D2HGDH: variants seen among roughly 807,000 people sequenced by gnomAD.
The protein encoded by D2HGDH is D-2-hydroxyglutarate dehydrogenase, also known as D-2-hydroxyglutarate dehydrogenase, mitochondrial.
A neutral mutation model predicts 46.9 loss-of-function variants in D2HGDH; 31 were observed. The ratio of observed to expected loss-of-function variants is 0.66; its 90% confidence interval spans 0.50 to 0.89. D2HGDH has a LOEUF of 0.89. D2HGDH is among the 40% of genes least tolerant of loss of function. The pLI, the probability that D2HGDH is intolerant of heterozygous loss-of-function variation, is 0.00. For missense variants in D2HGDH, 698 were observed against 720.8 expected (o/e 0.97, Z 0.36); for synonymous variants, 364 against 332.6 (o/e 1.09, Z -1.03).
intron 9 of D2HGDH, among the ~76,000 whole-genome samples, chr2:241,764,879 C>G (rs1699143532): frequency 6.6e-6 from 1 of 152,192 alleles, no homozygotes; most frequent in Non-Finnish European, 1.5e-5. Context: ...TCACTCTGAC[C>G]CTGGCTGTCC....
At chr2:241,753,269 G>A (rs1015317820) in intron 8 of D2HGDH, among the ~76,000 whole-genome samples, 4 of 152,238 alleles carry the variant, frequency 2.6e-5, no homozygotes, top group Non-Finnish European at 2.9e-5. Flanking sequence ...ATGCGGTTGT[G>A]TGCAGTTGCT....
At chr2:241,754,025 C>T (rs1218085676) in intron 8 of D2HGDH, among the ~76,000 whole-genome samples, 2 of 152,184 alleles carry the variant, frequency 1.3e-5, no homozygotes, top group African/African-American at 2.4e-5. Context: ...GGGAGCAGAA[C>T]GTCTGGTGCA....
Position 241,760,361 on chromosome 2 carries a change from C to G in D2HGDH, c.1306+4347C>G, listed in dbSNP as rs572131624. ...TTTGCTACAGTGTGGGTGGGCCTTA[C>G]CCAATCAGTCGAAGGCCTTTGCCAC... On this transcript the variant is annotated intron_variant, in intron 9 of 9. Coordinates refer to ENST00000321264, the MANE Select transcript of D2HGDH (RefSeq NM_152783.5). 2.6e-3 allele frequency among the ~76,000 whole-genome samples: 373 copies of G among 141,648 alleles called. 32 individuals carry two copies. The highest frequency in any genetic ancestry group is 4.7e-3 in the Non-Finnish European group (305 of 65,104). The allele number at this position is 141,648 out of a possible 152,430, so 92.9% of individuals were successfully genotyped here. A position where few individuals can be genotyped will look rare whatever the true frequency, so the allele number is the denominator to read the frequency against.
chr2:241,760,450 C>A (rs1698677708), intron 9 of D2HGDH, among the ~76,000 whole-genome samples: 1 of 145,058 alleles, frequency 6.9e-6, no homozygotes, highest in Non-Finnish European at 1.5e-5. Flanking sequence ...GGGCCTTACG[C>A]AATCAGTTGA....
intron 8 of D2HGDH, chr2:241,755,606 CA>C: frequency 6.6e-7 from 1 of 1,507,602 alleles, no homozygotes; most frequent in South Asian, 1.2e-5. Flanking sequence ...GGATTGATTC[CA>C]GGGTTGGAGC....
intron 5 of D2HGDH, 137 bp from the exon 6 acceptor site, chr2:241,744,572 C>G: frequency 9.2e-7 from 1 of 1,082,454 alleles, no homozygotes. Context: ...GGGTGTCACT[C>G]GTACAGGAGG....
chr2:241,735,247 C>T lies in D2HGDH; in HGVS notation c.23C>T (p.Ala8Val), dbSNP rs916600237. Residue 8 changes from alanine to valine, a missense_variant, in exon 2 of 10, where the codon GCG (alanine) becomes GTG (valine). Coordinates refer to ENST00000321264, the MANE Select transcript of D2HGDH (RefSeq NM_152783.5). ...GCGATGCTGCCCCGTCGGCCTCTGG[C>T]GTGGCCCGCGTGGCTGTTGCGGGGT... MLPRRPL[A>V]WPAWLLRGAP... The T allele has an allele frequency of 1.3e-6, 2 of 1,516,094 alleles. No individual in the cohort carries two copies. Among genetic ancestry groups the T allele is most frequent in the Admixed American group, 2.1e-5 (1 of 48,640 alleles). The allele number at this position is 1,516,094 out of a possible 1,614,324, so 93.9% of individuals were successfully genotyped here.
At chr2:241,757,597 C>G (rs1698309221) in intron 9 of D2HGDH, among the ~76,000 whole-genome samples, 2 of 152,182 alleles carry the variant, frequency 1.3e-5, no homozygotes, top group Non-Finnish European at 1.5e-5. Context: ...TAACTTCAGT[C>G]TCTCTTGGCC....
At chr2:241,735,904 A>G in intron 2 of D2HGDH, 1 of 256,580 alleles carries the variant, frequency 3.9e-6, no homozygotes, top group East Asian at 1.2e-4. Context: ...CTGCGACTAC[A>G]GGCGCCCGCC....
chr2:241,755,158 C>G (rs1269599037), intron 8 of D2HGDH: 2 of 1,304,022 alleles, frequency 1.5e-6, no homozygotes, highest in South Asian at 2.5e-5. Flanking sequence ...GTCTGCTCCT[C>G]CTCAGAATCC....
intron 6 of D2HGDH, chr2:241,749,504 G>T (rs1446324687): frequency 1.1e-5 from 8 of 713,182 alleles, no homozygotes; most frequent in African/African-American, 1.9e-5. Context: ...GGCTTCCCCA[G>T]GGCAGCGGCC....
At chr2:241,749,633 C>T in intron 6 of D2HGDH, 2 of 319,246 alleles carry the variant, frequency 6.3e-6, no homozygotes, top group Non-Finnish European at 1.2e-5. Flanking sequence ...CCAAAGGCTG[C>T]CTGTTGCTGG....
chr2:241,741,301 C>T (rs1022633976), intron 3 of D2HGDH, among the ~76,000 whole-genome samples: 1 of 152,190 alleles, frequency 6.6e-6, no homozygotes, highest in African/African-American at 2.4e-5. Flanking sequence ...ATGCCCATGC[C>T]CATTTCTTGG....
intron 6 of D2HGDH, 175 bp from the exon 7 acceptor site, chr2:241,749,976 G>A (rs935281698): frequency 1.2e-5 from 10 of 839,064 alleles, no homozygotes; most frequent in South Asian, 4.7e-5. Context: ...AACACCAGGC[G>A]TGCACCTGCC....
intron 8 of D2HGDH, chr2:241,754,799 C>T (rs1697899200): frequency 3.4e-6 from 1 of 292,022 alleles, no homozygotes; most frequent in Admixed American, 4.8e-5. Flanking sequence ...GACGGGGTCT[C>T]CCTGTGTGGC....
chr2:241,758,619 T>A (rs575255653), intron 9 of D2HGDH, among the ~76,000 whole-genome samples: 22 of 151,910 alleles, frequency 1.4e-4, no homozygotes, highest in East Asian at 3.9e-4. Context: ...TAAAAAAAAA[T>A]TTTTTTGTAG....
chr2:241,749,351 C>T, intron 6 of D2HGDH: 1 of 1,287,834 alleles, frequency 7.8e-7, no homozygotes, highest in African/African-American at 1.5e-5. Context: ...GAAAATTCTT[C>T]TCTGATATCC....
In D2HGDH at chr2:241,750,301, AC is replaced by A. The variant is rs1307856808; in HGVS notation, c.997+13del. 3 of 1,424,240 alleles carry A rather than the reference AC, an allele frequency of 2.1e-6. No individual in the cohort carries two copies. Among genetic ancestry groups the A allele is most frequent in the African/African-American group, 3.1e-5 (2 of 65,512 alleles). 88.2% of individuals were successfully genotyped at this position (1,424,240 alleles called of 1,614,324 possible). A position where few individuals can be genotyped will look rare whatever the true frequency, so the allele number is the denominator to read the frequency against. On this transcript the variant is annotated splice_region_variant and intron_variant, in intron 7 of 9. Transcript: ENST00000321264. ...CTGGCCAGCCCGGTGCAAGGTACTG[AC>A]CCCCCACACAGGGGGCAGCTGGTCC...
intron 1 of D2HGDH, 58 bp from the exon 2 acceptor site, chr2:241,735,075 G>A (rs1692388229): frequency 8.1e-6 from 7 of 867,762 alleles, no homozygotes; most frequent in Non-Finnish European, 1.1e-5. Context: ...GCTTCTGCAA[G>A]CGTGTTTCAA....
Sources: gnomAD v4.1 joint callset for allele counts (sites outside exome capture counted in the v4.1 genomes callset) on GRCh38, gnomAD v4.1.1 for gene constraint, MANE v1.5 for transcripts, NCBI Gene and HGNC (gene_info 2026-07-23, HGNC 2026-07-21) for gene names.